Variants in CNGB1 observed in about 807,000 individuals in gnomAD.
CNGB1 encodes the protein cyclic nucleotide-gated channel beta-1.
CNGB1 carries 126 observed loss-of-function variants against 151.7 expected under a neutral mutation model. The ratio of observed to expected loss-of-function variants is 0.83; its 90% CI spans 0.72 to 0.96. CNGB1 has a LOEUF of 0.96. CNGB1 is among the 40% of genes least tolerant of loss of function. CNGB1 has a pLI of 0.00. For missense variants in CNGB1, 1,698 were observed against 1,627.0 expected (o/e 1.04, Z -0.75); for synonymous variants, 623 against 635.1 (o/e 0.98, Z 0.29).
In CNGB1 at chr16:57,915,187, C is replaced by T. The variant is rs1353737347; in HGVS notation, c.2304+62G>A. 1.5e-5 allele frequency: 20 copies of T among 1,358,158 alleles called. No homozygotes were observed. In the Admixed American group the frequency reaches 3.0e-4, roughly 20 times the overall value. 84.1% of individuals were successfully genotyped at this position (1,358,158 alleles called of 1,614,324 possible). A position where few individuals can be genotyped will look rare whatever the true frequency, so the allele number is the denominator to read the frequency against. ...GCTGCTGGGGGCAGACACGAAGATG[C>T]CAGTGTCGGTGCAGAGCAGGGATGA... On this transcript the variant is annotated intron_variant, in intron 23 of 32. Transcript: ENST00000251102.
intron 16 of CNGB1, among the ~76,000 whole-genome samples, chr16:57,933,094 A>T (rs1961402834): frequency 6.6e-6 from 1 of 151,770 alleles, no homozygotes; most frequent in South Asian, 2.1e-4. Context: ...ATGCTCGGCT[A>T]ATTTTTGTGT....
At chr16:57,912,510 G>T (rs1293485935) in intron 24 of CNGB1, among the ~76,000 whole-genome samples, 1 of 152,168 alleles carries the variant, frequency 6.6e-6, no homozygotes, top group Admixed American at 6.5e-5. Context: ...TGGAGACGGG[G>T]CCTGGAGGTC....
rs11860836 is a variant in CNGB1 at position 57,907,264 on chromosome 16, C to T, written c.2493-2389G>A. Among the ~76,000 whole-genome samples, 735 of 152,320 alleles carry T rather than the reference C, an allele frequency of 4.8e-3. 6 individuals are homozygous for T. Among genetic ancestry groups the T allele is most frequent in the African/African-American group, 0.017 (715 of 41,564 alleles). On this transcript the variant is annotated intron_variant, in intron 25 of 32. Transcript: ENST00000251102. ...CCTGAGCTGCCCAGTGACGGATGTGCCAGGCTTAGCCCCAGGGAGGAGAGT... is the reference window on the plus strand; with the variant it reads ...CCTGAGCTGCCCAGTGACGGATGTGTCAGGCTTAGCCCCAGGGAGGAGAGT...
At chr16:57,884,551 C>A in intron 32 of CNGB1, 94 bp from the exon 33 acceptor site, 1 of 1,396,280 alleles carries the variant, frequency 7.2e-7, no homozygotes, top group Non-Finnish European at 1.0e-6. Context: ...TTTTTGGACC[C>A]CCAAAGAGGG....
At chr16:57,948,865 C>T (rs760128535) in intron 14 of CNGB1, among the ~76,000 whole-genome samples, 1 of 152,240 alleles carries the variant, frequency 6.6e-6, no homozygotes, top group African/African-American at 2.4e-5. Flanking sequence ...TGTGGGTGGA[C>T]GATCGACCAT....
Position 57,963,054 on chromosome 16 carries a change from T to C in CNGB1, c.301A>G (p.Arg101Gly), listed in dbSNP as rs1455511469. The change falls in exon 5 of 33, where the codon AGG (arginine) becomes GGG (glycine). Residue 101 changes from arginine to glycine, a missense_variant. Physicochemically the swap from Arg to Gly is moderately radical, Grantham distance 125. Coordinates refer to ENST00000251102, the MANE Select transcript of CNGB1 (RefSeq NM_001297.5). ...EISEMNSPSR[R>G]VLTWLMKGVE... ...CCCTTCATGAGCCAGGTCAGTACCC[T>C]GCGGCTGGGACTGCGATGGACAGAG... 1.9e-6 allele frequency: 3 copies of C among 1,613,010 alleles called. No homozygotes were observed. The highest frequency in any genetic ancestry group is 2.5e-6 in the Non-Finnish European group (3 of 1,179,816).
intron 29 of CNGB1, among the ~76,000 whole-genome samples, chr16:57,898,588 G>A (rs1227987696): frequency 6.6e-6 from 1 of 152,126 alleles, no homozygotes; most frequent in Admixed American, 6.6e-5. Context: ...GCAAATTTTT[G>A]TATTTTTAGT....
At chr16:57,961,816 G>A (rs1313925166) in intron 7 of CNGB1, among the ~76,000 whole-genome samples, 1 of 152,180 alleles carries the variant, frequency 6.6e-6, no homozygotes, top group Non-Finnish European at 1.5e-5. Context: ...CCCTCAAGGA[G>A]CCAGCAGTCT....
intron 14 of CNGB1, among the ~76,000 whole-genome samples, chr16:57,947,877 C>T (rs975762034): frequency 5.9e-5 from 9 of 152,328 alleles, no homozygotes; most frequent in Admixed American, 5.2e-4. Flanking sequence ...TATTATCCCC[C>T]ATTTTACAGA....
chr16:57,905,093 G>C (rs763040888), intron 25 of CNGB1, among the ~76,000 whole-genome samples: 21 of 152,172 alleles, frequency 1.4e-4, no homozygotes, highest in Admixed American at 2.0e-4. Context: ...TGTGTCTCTA[G>C]GGACATGTTG....
rs752831428 is a variant in CNGB1 at position 57,955,219 on chromosome 16, G to A, written c.874+2122C>T. The stretch of plus-strand genomic sequence containing the variant: ...GGAGTGTGTGGAGAGGGAGGGGTTC[G>A]CTGTTCAAATAGGGTGGGGTGTCAG... On this transcript the variant is annotated intron_variant, in intron 12 of 32. Transcript: ENST00000251102. 258 of 1,535,690 alleles carry A rather than the reference G, an allele frequency of 1.7e-4. No homozygotes were observed. In the Middle Eastern group the frequency reaches 1.7e-3, roughly 10 times the overall value.
intron 13 of CNGB1, among the ~76,000 whole-genome samples, chr16:57,949,846 C>T (rs188869518): frequency 6.6e-6 from 1 of 152,340 alleles, no homozygotes; most frequent in African/African-American, 2.4e-5. Context: ...ATTCCCATGA[C>T]CAATGACCCA....
intron 16 of CNGB1, among the ~76,000 whole-genome samples, chr16:57,933,316 C>T (rs908878699): frequency 6.6e-5 from 10 of 152,208 alleles, no homozygotes; most frequent in Non-Finnish European, 1.3e-4. Context: ...GTGCTACTTC[C>T]TATTTGGATA....
In CNGB1 at chr16:57,894,816, A is replaced by G. The variant is rs1299556474; in HGVS notation, c.3242+2581T>C. Among the ~76,000 whole-genome samples, 3 of 152,340 alleles carry G rather than the reference A, an allele frequency of 2.0e-5. No homozygotes were observed. In the East Asian group the frequency reaches 5.8e-4, roughly 29 times the overall value. The stretch of plus-strand genomic sequence containing the variant: ...TGTTAATGTTCTACATACTGAAAAC[A>G]AGAAAAAGTCAACAAAGATCAGGGT... On this transcript the variant is annotated intron_variant, in intron 31 of 32. Transcript: ENST00000251102.
intron 12 of CNGB1, among the ~76,000 whole-genome samples, chr16:57,951,302 C>G (rs978677241): frequency 2.6e-5 from 4 of 152,042 alleles, no homozygotes; most frequent in Non-Finnish European, 4.4e-5. Context: ...AGGTGTCCCC[C>G]GAAAGCTCCA....
chr16:57,961,009 G>T, intron 7 of CNGB1, 94 bp from the exon 8 acceptor site: 1 of 1,136,444 alleles, frequency 8.8e-7, no homozygotes. Context: ...CAGCCATTCC[G>T]TGCCCTCCAA....
chr16:57,904,730 A>G lies in CNGB1; in HGVS notation c.2634+4T>C, dbSNP rs202096769. 5.0e-6 allele frequency: 8 copies of G among 1,614,064 alleles called. No homozygotes were observed. The highest frequency in any genetic ancestry group is 4.0e-5 in the African/African-American group (3 of 75,030). On this transcript the variant is annotated splice_donor_region_variant and intron_variant, in intron 26 of 32. Coordinates refer to ENST00000251102, the MANE Select transcript of CNGB1 (RefSeq NM_001297.5). ...GGTGGGAAGCTGGGCTGGTGCCCCG[A>G]TACCTGTCCGATCATCACAGAGAAA...
chr16:57,933,921 C>T (rs1420938183), intron 16 of CNGB1, among the ~76,000 whole-genome samples: 1 of 151,974 alleles, frequency 6.6e-6, no homozygotes, highest in Non-Finnish European at 1.5e-5. Flanking sequence ...CGGGGTTTCA[C>T]CATGTTGTCC....
At chr16:57,906,515 C>T (rs576350235) in intron 25 of CNGB1, among the ~76,000 whole-genome samples, 3 of 152,272 alleles carry the variant, frequency 2.0e-5, no homozygotes, top group South Asian at 2.1e-4. Context: ...CTGATAGCTG[C>T]GGGGCCTTGG....
Sources: allele counts gnomAD v4.1 joint callset (sites outside exome capture counted in the v4.1 genomes callset), GRCh38; gene constraint gnomAD v4.1.1; transcripts MANE v1.5; gene names NCBI Gene and HGNC (gene_info 2026-07-23, HGNC 2026-07-21).